The following PLD1 variants were observed in gnomAD, a reference collection of about 807,000 sequenced individuals.
PLD1 encodes the protein phospholipase D1.
In PLD1, 112 loss-of-function variants were observed where a neutral mutation model predicts 137.1. The observed-to-expected ratio is 0.82, with a 90% CI of 0.70 to 0.96. PLD1 has a LOEUF of 0.96. Among genes scored for constraint, PLD1 ranks in the 40% least tolerant of loss-of-function variants. The pLI is 0.00. For synonymous variants in PLD1, 431 were observed against 454.7 expected (o/e 0.95, Z 0.66); for missense variants, 1,321 against 1,342.0 (o/e 0.98, Z 0.24).
At chr3:171,772,957 G>C (rs1722443629) in intron 1 of PLD1, among the ~76,000 whole-genome samples, 1 of 152,116 alleles carries the variant, frequency 6.6e-6, no homozygotes, top group Admixed American at 6.5e-5. Context: ...CTCCTCTGCA[G>C]AAAGAGCTTC....
intron 16 of PLD1, among the ~76,000 whole-genome samples, chr3:171,682,414 CA>C (rs1230754979): frequency 2.0e-5 from 3 of 152,172 alleles, no homozygotes; most frequent in Non-Finnish European, 4.4e-5. Context: ...TTTAATTCAA[CA>C]AGGAGCCCAA....
At chr3:171,706,848 T>G (rs1716733951) in intron 11 of PLD1, among the ~76,000 whole-genome samples, 1 of 152,206 alleles carries the variant, frequency 6.6e-6, no homozygotes. Context: ...CCCGATTCAT[T>G]CTCTTGCTGA....
intron 26 of PLD1, among the ~76,000 whole-genome samples, chr3:171,605,067 C>T (rs1389685191): frequency 2.6e-5 from 4 of 152,186 alleles, no homozygotes; most frequent in African/African-American, 4.8e-5. Context: ...ATTCCTGCAT[C>T]ACAGGAGAGA....
intron 1 of PLD1, among the ~76,000 whole-genome samples, chr3:171,777,428 C>T (rs934513593): frequency 6.6e-6 from 1 of 152,182 alleles, no homozygotes; most frequent in Non-Finnish European, 1.5e-5. Context: ...CAGGAACAAG[C>T]CCTTGATGAT....
At chr3:171,705,785 A>G (rs1716631717) in intron 11 of PLD1, among the ~76,000 whole-genome samples, 2 of 152,174 alleles carry the variant, frequency 1.3e-5, no homozygotes, top group Non-Finnish European at 2.9e-5. Flanking sequence ...AAAACACTAC[A>G]TTTAGCTCTT....
Position 171,602,817 on chromosome 3 carries a change from G to A in PLD1, c.*261C>T, listed in dbSNP as rs916143934. The A allele has an allele frequency of 1.1e-5, 5 of 438,116 alleles. No homozygotes were observed. The highest frequency in any genetic ancestry group is 9.9e-5 in the African/African-American group (5 of 50,758). The allele number at this position is 438,116 out of a possible 1,614,324, so 27.1% of individuals were successfully genotyped here. A position where few individuals can be genotyped will look rare whatever the true frequency, so the allele number is the denominator to read the frequency against. ...ATTTTGGTATACGGAATTTGAATAT[G>A]TGTTTTACTCAACAGAGTACATGCT... On this transcript the variant is annotated 3_prime_UTR_variant, in exon 27 of 27. Transcript: ENST00000351298.
chr3:171,682,036 C>T (rs1714014242), intron 16 of PLD1, among the ~76,000 whole-genome samples: 1 of 151,418 alleles, frequency 6.6e-6, no homozygotes, highest in South Asian at 2.1e-4. Context: ...CACTGTGGCA[C>T]TTGTATACCT....
At chr3:171,798,221 T>C (rs1723508499) in intron 1 of PLD1, among the ~76,000 whole-genome samples, 1 of 152,220 alleles carries the variant, frequency 6.6e-6, no homozygotes, top group Admixed American at 6.5e-5. Flanking sequence ...TGAATTACAA[T>C]CACTTACACA....
At chr3:171,713,773 G>T in intron 9 of PLD1, 120 bp downstream of exon 9, 3 of 801,780 alleles carry the variant, frequency 3.7e-6, no homozygotes, top group Non-Finnish European at 6.1e-6. Flanking sequence ...ATTGATTGAG[G>T]ATGAGCTCTA....
chr3:171,683,794 A>G (rs1409135656), intron 16 of PLD1, among the ~76,000 whole-genome samples: 1 of 152,230 alleles, frequency 6.6e-6, no homozygotes, highest in Non-Finnish European at 1.5e-5. Flanking sequence ...CCACATCTCT[A>G]GCACCCAGAA....
In PLD1 at chr3:171,621,890, C is replaced by T. The variant is rs1477409756; in HGVS notation, c.2594-1370G>A. Reference sequence around the variant, plus strand: ...TCCTGGAAAACATTTCTAAATAATGCCTAGTATCTTACAAACATTTATATA... The same window carrying T: ...TCCTGGAAAACATTTCTAAATAATGTCTAGTATCTTACAAACATTTATATA... On this transcript the variant is annotated intron_variant, in intron 23 of 26. Transcript: ENST00000351298. 3.3e-5 allele frequency among the ~76,000 whole-genome samples: 5 copies of T among 152,078 alleles called. No individual in the cohort carries two copies. The East Asian group carries it at 7.7e-4, about 23-fold the overall frequency.
intron 25 of PLD1, among the ~76,000 whole-genome samples, chr3:171,610,958 C>A (rs1391833600): frequency 1.3e-5 from 2 of 152,154 alleles, no homozygotes; most frequent in African/African-American, 4.8e-5. Context: ...TCTTGGAAGC[C>A]GAAGTCTGGA....
intron 9 of PLD1, among the ~76,000 whole-genome samples, chr3:171,712,630 T>C (rs973617201): frequency 6.6e-6 from 1 of 152,142 alleles, no homozygotes; most frequent in African/African-American, 2.4e-5. Flanking sequence ...AATTTGGCCT[T>C]ATTTGATAAA....
At chr3:171,739,190 A>T (rs964146128) in intron 1 of PLD1, among the ~76,000 whole-genome samples, 3 of 152,184 alleles carry the variant, frequency 2.0e-5, no homozygotes, top group African/African-American at 4.8e-5. Context: ...AAATTTGCCC[A>T]GGGGAAGACA....
chr3:171,658,504 A>C (rs950273616), intron 21 of PLD1, among the ~76,000 whole-genome samples: 30 of 152,224 alleles, frequency 2.0e-4, no homozygotes, highest in African/African-American at 6.8e-4. Flanking sequence ...ACATGCTATA[A>C]TAATAGATAA....
chr3:171,730,837 C>T (rs1286403102), intron 6 of PLD1, among the ~76,000 whole-genome samples: 2 of 152,132 alleles, frequency 1.3e-5, no homozygotes, highest in Non-Finnish European at 2.9e-5. Context: ...TGAGGTTTCA[C>T]CATGTTGTCC....
intron 1 of PLD1, among the ~76,000 whole-genome samples, chr3:171,758,553 A>T (rs41273597): frequency 0.27 from 41,435 of 152,062 alleles, 6,012 homozygotes; most frequent in Admixed American, 0.31. Context: ...GAAATGCAAA[A>T]CCTTGGCCAC....
chr3:171,643,999 G>GC (rs992695036), intron 22 of PLD1, among the ~76,000 whole-genome samples: 8 of 152,062 alleles, frequency 5.3e-5, no homozygotes, highest in African/African-American at 1.9e-4. Context: ...AGATCCTCCA[G>GC]CAGGAGCATC....
At chr3:171,671,996 G>A (rs1458487850) in intron 19 of PLD1, among the ~76,000 whole-genome samples, 1 of 56,528 alleles carries the variant, frequency 1.8e-5, no homozygotes, top group East Asian at 5.2e-4. Flanking sequence ...CCCCGCCCCC[G>A]CCCTGGCCTT....
Sources: gnomAD v4.1 joint callset for allele counts (sites outside exome capture counted in the v4.1 genomes callset) on GRCh38, gnomAD v4.1.1 for gene constraint, MANE v1.5 for transcripts, NCBI Gene and HGNC (gene_info 2026-07-23, HGNC 2026-07-21) for gene names.